GSDMC: variants seen among roughly 807,000 people sequenced by gnomAD.
GSDMC encodes the protein gasdermin-C.
GSDMC carries 59 observed loss-of-function variants against 58.0 expected under a neutral mutation model. The ratio of observed to expected loss-of-function variants is 1.02; its 90% confidence interval spans 0.82 to 1.26. The LOEUF (loss-of-function observed/expected upper bound fraction) is 1.26. Ranked by LOEUF, GSDMC falls within the 50% of genes most tolerant of loss-of-function variation. The pLI is 0.00. For missense variants in GSDMC, 659 were observed against 598.5 expected (o/e 1.10, Z -1.06); for synonymous variants, 241 against 220.2 (o/e 1.09, Z -0.83).
At chr8:129,769,207 G>T (rs866896279) in intron 3 of GSDMC, among the ~76,000 whole-genome samples, 60 of 151,858 alleles carry the variant, frequency 4.0e-4, no homozygotes, top group African/African-American at 1.4e-3. Context: ...ACCCAAAAGG[G>T]TCTACACCAA....
At chr8:129,720,071 G>T in the GSDMC span, among the ~76,000 whole-genome samples, 1 of 152,112 alleles carries the variant, frequency 6.6e-6, no homozygotes, top group African/African-American at 2.4e-5. Flanking sequence ...ATATGTAAAA[G>T]AATATGAACA....
intron 6 of GSDMC, among the ~76,000 whole-genome samples, chr8:129,757,827 C>T (rs981015442): frequency 5.9e-5 from 9 of 151,950 alleles, no homozygotes; most frequent in African/African-American, 1.5e-4. Flanking sequence ...CATGTCTCTA[C>T]AAAAAGATAC....
intron 1 of GSDMC, among the ~76,000 whole-genome samples, chr8:129,782,415 T>G (rs1206259760): frequency 6.6e-6 from 1 of 151,576 alleles, no homozygotes; most frequent in Non-Finnish European, 1.5e-5. Context: ...AAAAGATGAA[T>G]GAAATGAAAG....
At chr8:129,762,330 G>A (rs1338906590) in intron 5 of GSDMC, among the ~76,000 whole-genome samples, 1 of 152,148 alleles carries the variant, frequency 6.6e-6, no homozygotes, top group African/African-American at 2.4e-5. Context: ...GTCAGGATTA[G>A]GGTTGGAATT....
At chr8:129,715,750 T>C in the GSDMC span, among the ~76,000 whole-genome samples, 1 of 152,152 alleles carries the variant, frequency 6.6e-6, no homozygotes, top group Admixed American at 6.5e-5. Context: ...GTTGAAAAAA[T>C]ACCCCTGGAA....
At chr8:129,749,341 ACT>A (rs752410852) in intron 13 of GSDMC, 109 bp downstream of exon 13, 16 of 747,626 alleles carry the variant, frequency 2.1e-5, no homozygotes, top group Non-Finnish European at 3.7e-5. Flanking sequence ...TGTGATCTGG[ACT>A]CCCCTCCCAG....
chr8:129,705,704 A>G, the GSDMC span: 2 of 152,198 alleles, frequency 1.3e-5, no homozygotes, highest in Non-Finnish European at 2.9e-5. Flanking sequence ...ATAATTCAAG[A>G]TGAGATTTGG....
chr8:129,718,287 C>A, the GSDMC span, among the ~76,000 whole-genome samples: 1 of 152,012 alleles, frequency 6.6e-6, no homozygotes, highest in African/African-American at 2.4e-5. Flanking sequence ...TGACAAAGGG[C>A]TAATATACAG....
At chr8:129,709,398 CT>C in the GSDMC span, among the ~76,000 whole-genome samples, 1 of 152,178 alleles carries the variant, frequency 6.6e-6, no homozygotes, top group South Asian at 2.1e-4. Flanking sequence ...GCTTCAAACT[CT>C]TTTAAAAAGT....
the GSDMC span, chr8:129,730,106 T>C: frequency 1.1e-4 from 106 of 978,922 alleles, no homozygotes; most frequent in African/African-American, 1.6e-3. Context: ...GTAACACTAT[T>C]CAGGTGTTTC....
At chr8:129,749,072 A>T (rs73712930) in intron 13 of GSDMC, among the ~76,000 whole-genome samples, 1,824 of 152,324 alleles carry the variant, frequency 0.012, 43 homozygotes, top group African/African-American at 0.042. Context: ...ACTTGGAGAG[A>T]GAAAAACAGA....
At chr8:129,755,715 G>A (rs1563792984) in intron 6 of GSDMC, among the ~76,000 whole-genome samples, 1 of 152,010 alleles carries the variant, frequency 6.6e-6, no homozygotes, top group Non-Finnish European at 1.5e-5. Flanking sequence ...AAAGCGGGAA[G>A]GTAAAGTGTA....
At chr8:129,774,077 G>A (rs2034145144) in intron 3 of GSDMC, among the ~76,000 whole-genome samples, 1 of 152,036 alleles carries the variant, frequency 6.6e-6, no homozygotes, top group Non-Finnish European at 1.5e-5. Flanking sequence ...AACTCTTATG[G>A]AAAGACCCAG....
At chr8:129,768,582 A>C (rs1318912539) in intron 3 of GSDMC, among the ~76,000 whole-genome samples, 4 of 152,238 alleles carry the variant, frequency 2.6e-5, no homozygotes, top group Admixed American at 2.6e-4. Flanking sequence ...AGTTTAGGAA[A>C]GTTTCAACAG....
chr8:129,744,194 G>A (rs2130294497), downstream of GSDMC, among the ~76,000 whole-genome samples: 1 of 152,308 alleles, frequency 6.6e-6, no homozygotes, highest in East Asian at 1.9e-4. Flanking sequence ...GCTCCAGGCA[G>A]AAACCTGGGG....
chr8:129,773,763 G>A (rs1216576646), intron 3 of GSDMC, among the ~76,000 whole-genome samples: 116 of 143,692 alleles, frequency 8.1e-4, no homozygotes, highest in African/African-American at 2.8e-3. Context: ...TCCAGCCTGG[G>A]AGACAGAGTG....
chr8:129,713,124 C>G, the GSDMC span, among the ~76,000 whole-genome samples: 24 of 152,372 alleles, frequency 1.6e-4, no homozygotes, highest in African/African-American at 5.5e-4. Flanking sequence ...TCACTATGGA[C>G]TAAACAGAGA....
the GSDMC span, among the ~76,000 whole-genome samples, chr8:129,709,186 T>A: frequency 2.0e-5 from 3 of 146,488 alleles, no homozygotes; most frequent in Non-Finnish European, 3.0e-5. Context: ...TTTTTTTTTT[T>A]AATGTTTATC....
intron 1 of GSDMC, among the ~76,000 whole-genome samples, chr8:129,780,837 C>T (rs2034384641): frequency 6.6e-6 from 1 of 152,118 alleles, no homozygotes; most frequent in Non-Finnish European, 1.5e-5. Context: ...CTACAACTTT[C>T]AAGACATAGT....
Sources: allele counts gnomAD v4.1 joint callset (sites outside exome capture counted in the v4.1 genomes callset), GRCh38; gene constraint gnomAD v4.1.1; transcripts MANE v1.5; gene names NCBI Gene and HGNC (gene_info 2026-07-23, HGNC 2026-07-21).